SH3PXD2A: variants seen among roughly 807,000 people sequenced by gnomAD.
SH3PXD2A encodes the protein SH3 and PX domains 2A.
SH3PXD2A carries 32 observed loss-of-function variants against 115.2 expected under a neutral mutation model. The observed-to-expected ratio is 0.28, with a 90% CI of 0.21 to 0.37. The LOEUF is 0.37. Among genes scored for constraint, SH3PXD2A ranks in the 10% least tolerant of loss-of-function variants. The probability of loss-of-function intolerance (pLI) is 1.00; values close to 1 mark genes in which losing one functional copy is unlikely to be tolerated. For missense variants in SH3PXD2A, 1,328 were observed against 1,498.7 expected (o/e 0.89, Z 1.88); for synonymous variants, 610 against 629.1 (o/e 0.97, Z 0.45).
At chr10:103,649,443 T>A (rs1328268702) in intron 8 of SH3PXD2A, among the ~76,000 whole-genome samples, 4 of 152,196 alleles carry the variant, frequency 2.6e-5, no homozygotes, top group Admixed American at 2.6e-4. Flanking sequence ...GCTCTGCCCA[T>A]TAACATGACA....
chr10:103,737,962 G>T (rs1201664558), intron 3 of SH3PXD2A, among the ~76,000 whole-genome samples: 2 of 152,152 alleles, frequency 1.3e-5, no homozygotes, highest in Non-Finnish European at 2.9e-5. Flanking sequence ...CTCCATGATG[G>T]CTCTGCAGCT....
At chr10:103,750,646 G>A (rs1174163497) in intron 3 of SH3PXD2A, among the ~76,000 whole-genome samples, 1 of 152,188 alleles carries the variant, frequency 6.6e-6, no homozygotes, top group Non-Finnish European at 1.5e-5. Flanking sequence ...GACCTGGGGA[G>A]GCTCAGAGAG....
chr10:103,728,901 T>TTTG (rs1255908838), intron 4 of SH3PXD2A, among the ~76,000 whole-genome samples: 16 of 149,990 alleles, frequency 1.1e-4, no homozygotes, highest in African/African-American at 4.0e-4. Flanking sequence ...TTGTTTGTTT[T>TTTG]TTTTTTTTTG....
rs1192033765 is a variant in SH3PXD2A, at chr10:103,746,690, C to G, written c.230-10882G>C. 6.6e-6 allele frequency: 1 copy of G among 152,276 alleles called. No homozygotes were observed. Among genetic ancestry groups the G allele is most frequent in the Non-Finnish European group, 1.5e-5 (1 of 68,112 alleles). The allele number at this position is 152,276 out of a possible 1,614,324, so 9.4% of individuals were successfully genotyped here. On this transcript the variant is annotated intron_variant, in intron 3 of 14. Coordinates refer to ENST00000369774, the MANE Select transcript of SH3PXD2A (RefSeq NM_001394015.1). The surrounding 1 kb of genome is among the most constrained non-coding windows in gnomAD (Gnocchi z 4.4). ...GGCACTGAGGATAAAATCCAAACTC[C>G]CTTCTGTGGCCGGGCAGGATTCAGC...
intron 8 of SH3PXD2A, among the ~76,000 whole-genome samples, chr10:103,639,608 T>TAAA (rs67918508): frequency 1.2e-5 from 1 of 85,848 alleles, no homozygotes; most frequent in South Asian, 3.8e-4. Flanking sequence ...GACTCCGTCT[T>TAAA]AAAAAAAAAA....
rs537093816 is a variant in SH3PXD2A at position 103,681,786 on chromosome 10, T to C, written c.427+11242A>G. ...CGCGCGCGCGCGCACACACACAAAA[T>C]GCAGATCGGCCAGATGCGGTGGCTC... On this transcript the variant is annotated intron_variant, in intron 6 of 14. Coordinates refer to ENST00000369774, the MANE Select transcript of SH3PXD2A (RefSeq NM_001394015.1). Among the ~76,000 whole-genome samples the C allele has an allele frequency of 1.1e-3, 173 of 151,840 alleles. 1 individual carries two copies. Among genetic ancestry groups the C allele is most frequent in the African/African-American group, 4.0e-3 (165 of 41,414 alleles).
intron 8 of SH3PXD2A, among the ~76,000 whole-genome samples, chr10:103,648,332 C>A (rs1022590412): frequency 6.6e-6 from 1 of 152,168 alleles, no homozygotes; most frequent in Non-Finnish European, 1.5e-5. Flanking sequence ...CTATTGCTTT[C>A]ATGGCTCTTG....
At chr10:103,625,367 TCA>T (rs2036676246) in intron 9 of SH3PXD2A, among the ~76,000 whole-genome samples, 1 of 152,182 alleles carries the variant, frequency 6.6e-6, no homozygotes. Flanking sequence ...GCAAAATGCT[TCA>T]CAGAGAGGTG....
At chr10:103,708,340 GCT>G (rs1178391612) in intron 5 of SH3PXD2A, among the ~76,000 whole-genome samples, 1 of 152,178 alleles carries the variant, frequency 6.6e-6, no homozygotes, top group Non-Finnish European at 1.5e-5. Context: ...CGGCTGCCAG[GCT>G]CTTTCCTCTG....
chr10:103,846,516 C>T (rs1013370178), intron 1 of SH3PXD2A, among the ~76,000 whole-genome samples: 2 of 152,202 alleles, frequency 1.3e-5, no homozygotes, highest in African/African-American at 4.8e-5. Flanking sequence ...GAACAACTCA[C>T]TTTGTATAGC....
chr10:103,790,823 T>C (rs547648029), intron 2 of SH3PXD2A, among the ~76,000 whole-genome samples: 6 of 152,330 alleles, frequency 3.9e-5, no homozygotes, highest in African/African-American at 7.2e-5. Flanking sequence ...GAGTGGGAGA[T>C]AGCAACATGA....
Position 103,613,175 on chromosome 10 carries a change from C to A in SH3PXD2A, c.936G>T (p.Glu312Asp), listed in dbSNP as rs2036454470. Residue 312 changes from glutamate to aspartate, a missense_variant, in exon 12 of 15, where the codon GAG becomes GAT. Physicochemically the swap from Glu to Asp is conservative, Grantham distance 45. Transcript: ENST00000369774. ...GWWYIRYLGK[E>D]GWAPASYLKK... Reference sequence around the variant, plus strand: ...TCAGGTAGGATGCTGGCGCCCAGCCCTCTTTGCCCAGGTATCTGTGGGGAG... The same window carrying A: ...TCAGGTAGGATGCTGGCGCCCAGCCATCTTTGCCCAGGTATCTGTGGGGAG... 2 of 1,601,372 alleles carry A rather than the reference C, an allele frequency of 1.2e-6. No homozygotes were observed. The highest frequency in any genetic ancestry group is 1.7e-6 in the Non-Finnish European group (2 of 1,174,928).
rs149867987 is a variant in SH3PXD2A, at chr10:103,724,340, G to C, written c.328C>G (p.His110Asp). 3.8e-6 allele frequency: 6 copies of C among 1,578,616 alleles called. No homozygotes were observed. Among genetic ancestry groups the C allele is most frequent in the South Asian group, 1.2e-5 (1 of 85,448 alleles). Residue 110 changes from histidine to aspartate, a missense_variant, in exon 5 of 15, where the codon CAC (histidine) becomes GAC (aspartate). Transcript: ENST00000369774. ...YCRALVRLPP[H>D]ISQCDEVFRF... Reference sequence around the variant, plus strand: ...AAGACTTCGTCACACTGTGAGATGTGGGGGGGCAGCCGGACAAGTGCCTGT... The same window carrying C: ...AAGACTTCGTCACACTGTGAGATGTCGGGGGGCAGCCGGACAAGTGCCTGT...
chr10:103,608,029 TC>T (rs1458795874), intron 13 of SH3PXD2A, among the ~76,000 whole-genome samples: 2 of 150,742 alleles, frequency 1.3e-5, no homozygotes, highest in African/African-American at 2.4e-5. Flanking sequence ...GGCCTCGGGG[TC>T]CTCTGCCTAG....
intron 5 of SH3PXD2A, among the ~76,000 whole-genome samples, chr10:103,696,346 T>C (rs1205074829): frequency 6.6e-6 from 1 of 152,124 alleles, no homozygotes; most frequent in Non-Finnish European, 1.5e-5. Flanking sequence ...GCTGGGACTC[T>C]CCCATCCCTC....
chr10:103,847,022 T>C (rs1564903410), intron 1 of SH3PXD2A, among the ~76,000 whole-genome samples: 2 of 152,374 alleles, frequency 1.3e-5, no homozygotes, highest in East Asian at 3.9e-4. Context: ...GCTTAGCACA[T>C]AGAAAACATT....
At chr10:103,690,016 G>A (rs1200907179) in intron 6 of SH3PXD2A, among the ~76,000 whole-genome samples, 1 of 152,152 alleles carries the variant, frequency 6.6e-6, no homozygotes, top group Admixed American at 6.5e-5. Context: ...GCTTCGTGAG[G>A]TTCATTATAG....
rs743240 is a variant in SH3PXD2A, at chr10:103,819,836, G to C, written c.73-18474C>G. Reference sequence around the variant, plus strand: ...TGAAATGCGTGGGGTCCCTAGAGGAGGGGGGGAGATGGGAGCCCAGGAGGG... The same window carrying C: ...TGAAATGCGTGGGGTCCCTAGAGGACGGGGGGAGATGGGAGCCCAGGAGGG... On this transcript the variant is annotated intron_variant, in intron 1 of 14. Transcript: ENST00000369774. Among the ~76,000 whole-genome samples, 101 of 152,008 alleles carry C rather than the reference G, an allele frequency of 6.6e-4. 1 individual carries two copies. Among genetic ancestry groups the C allele is most frequent in the Non-Finnish European group, 1.2e-3 (82 of 67,946 alleles).
chr10:103,762,746 T>C lies in SH3PXD2A; in HGVS notation c.229+4348A>G, dbSNP rs142950667. Among the ~76,000 whole-genome samples, 18 of 152,298 alleles carry C rather than the reference T, an allele frequency of 1.2e-4. No homozygotes were observed. In the East Asian group the frequency reaches 3.5e-3, roughly 29 times the overall value. ...GGGTCCAGAAAGCAGGTTCTAGCCC[T>C]GATGAAAACAATTCGGGGGCTCTCT... On this transcript the variant is annotated intron_variant, in intron 3 of 14. Transcript: ENST00000369774.
Sources: gnomAD v4.1 joint callset for allele counts (sites outside exome capture counted in the v4.1 genomes callset) on GRCh38, gnomAD v4.1.1 for gene constraint, Gnocchi (gnomAD v3.1) non-coding constraint, MANE v1.5 for transcripts, NCBI Gene and HGNC (gene_info 2026-07-23, HGNC 2026-07-21) for gene names.